Variants in PAX2 observed in about 807,000 individuals in gnomAD.
PAX2 encodes the protein paired box 2, also known as paired box protein Pax-2.
In PAX2, 9 loss-of-function variants were observed where a neutral mutation model predicts 41.7. The observed-to-expected ratio is 0.22, with a 90% CI of 0.13 to 0.38. The LOEUF (loss-of-function observed/expected upper bound fraction) is 0.38. Ranked by LOEUF, PAX2 falls within the 10% of genes least tolerant of loss-of-function variation. PAX2 has a pLI of 1.00. For synonymous variants in PAX2, 221 were observed against 212.7 expected, an observed-to-expected ratio of 1.04 and a Z score of -0.34; for missense variants, 418 against 531.6, an observed-to-expected ratio of 0.79 and a Z score of 2.10.
intron 6 of PAX2, among the ~76,000 whole-genome samples, chr10:100,808,657 A>T (rs1847882939): frequency 6.6e-6 from 1 of 151,916 alleles, no homozygotes; most frequent in Non-Finnish European, 1.5e-5. Context: ...GTTTGTTTTT[A>T]AAAAAGGGGC....
At chr10:100,765,972 A>G (rs960056364) in intron 3 of PAX2, among the ~76,000 whole-genome samples, 1 of 152,226 alleles carries the variant, frequency 6.6e-6, no homozygotes, top group Non-Finnish European at 1.5e-5. Context: ...TGCTTACTAC[A>G]GTAGGAACCG....
chr10:100,772,746 C>T (rs1008227522), intron 3 of PAX2, among the ~76,000 whole-genome samples: 1 of 152,230 alleles, frequency 6.6e-6, no homozygotes, highest in African/African-American at 2.4e-5. Context: ...TGACATCTTG[C>T]TCCTAAGAGC....
chr10:100,763,646 G>A (rs974580909), intron 3 of PAX2, among the ~76,000 whole-genome samples: 1 of 152,222 alleles, frequency 6.6e-6, no homozygotes, highest in African/African-American at 2.4e-5. Context: ...TTCTCTAAGG[G>A]AGTCCATTTT....
chr10:100,765,473 A>G (rs995038580), intron 3 of PAX2, among the ~76,000 whole-genome samples: 3 of 152,198 alleles, frequency 2.0e-5, no homozygotes, highest in Non-Finnish European at 2.9e-5. Context: ...AAATTCCTAG[A>G]TTTCATTATT....
intron 7 of PAX2, among the ~76,000 whole-genome samples, chr10:100,820,212 G>A (rs188853446): frequency 6.6e-6 from 1 of 152,278 alleles, no homozygotes; most frequent in Non-Finnish European, 1.5e-5. Context: ...TTTGTCAGAT[G>A]ACTTCTTTTC....
chr10:100,751,309 T>C (rs1845432685), intron 3 of PAX2, among the ~76,000 whole-genome samples: 1 of 152,204 alleles, frequency 6.6e-6, no homozygotes, highest in African/African-American at 2.4e-5. Flanking sequence ...CCGCTTGTCC[T>C]GGCTCCCTCA....
In PAX2 at chr10:100,765,053, T is replaced by A. The variant is rs147323426; in HGVS notation, c.410+14162T>A. 4.5e-3 allele frequency among the ~76,000 whole-genome samples: 689 copies of A among 152,308 alleles called. 5 individuals carry two copies. The highest frequency in any genetic ancestry group is 0.015 in the African/African-American group (643 of 41,554). ...GAAATCTGTCTATTCTTGTCTGGCA[T>A]GTCTGGATATTCTAAGGAAGTATGG... On this transcript the variant is annotated intron_variant, in intron 3 of 9. Coordinates refer to ENST00000355243, the MANE Select transcript of PAX2 (RefSeq NM_000278.5).
In PAX2 at chr10:100,828,757, C is replaced by T. The variant is rs1564749501; in HGVS notation, c.*1138C>T. 3 of 233,450 alleles carry T rather than the reference C, an allele frequency of 1.3e-5. No individual in the cohort carries two copies. The allele number at this position is 233,450 out of a possible 1,614,324, so 14.5% of individuals were successfully genotyped here. On this transcript the variant is annotated 3_prime_UTR_variant, in exon 10 of 10. Coordinates refer to ENST00000355243, the MANE Select transcript of PAX2 (RefSeq NM_000278.5). This position sits in a 1 kb window ranked among gnomAD's most constrained non-coding sequence, Gnocchi z 6.5. ...CCCATCCCCTCCCAGCCTCCTCCTC[C>T]GGCAGGAACTGAACAGAACCACAAA...
intron 3 of PAX2, among the ~76,000 whole-genome samples, chr10:100,763,694 T>C (rs1005125287): frequency 6.6e-6 from 1 of 152,250 alleles, no homozygotes; most frequent in Non-Finnish European, 1.5e-5. Context: ...TTAAGACATG[T>C]GGCTTTTTCT....
At chr10:100,807,528 C>T (rs535915677) in intron 6 of PAX2, among the ~76,000 whole-genome samples, 10 of 152,296 alleles carry the variant, frequency 6.6e-5, no homozygotes, top group African/African-American at 2.4e-4. Context: ...TGTGCTCACA[C>T]ACCACCGCCC....
At position 100,827,650 on chromosome 10, in the gene PAX2, C is replaced by T; in HGVS notation, c.*31C>T. On this transcript the variant is annotated 3_prime_UTR_variant, in exon 10 of 10. Transcript: ENST00000355243. This position sits in a 1 kb window ranked among gnomAD's most constrained non-coding sequence, Gnocchi z 8.5. ...GCGGGGACCACATCAAGCTTCAGGC[C>T]GACAGCTTCGGCCTCCACATCGTCC... is the stretch of plus-strand genomic sequence containing the variant. 6.2e-7 allele frequency: 1 copy of T among 1,613,860 alleles called. No individual in the cohort carries two copies. The highest frequency in any genetic ancestry group is 8.5e-7 in the Non-Finnish European group (1 of 1,179,918).
chr10:100,777,773 T>C (rs1281433781), intron 3 of PAX2, among the ~76,000 whole-genome samples: 2 of 152,270 alleles, frequency 1.3e-5, no homozygotes, highest in Admixed American at 6.5e-5. Context: ...TAATAGTCTC[T>C]ACTTTGGAGG....
exon 1 of PAX2, chr10:100,735,563 C>T (rs949049224): frequency 9.4e-5 from 56 of 593,350 alleles, no homozygotes; most frequent in Non-Finnish European, 1.1e-4. Flanking sequence ...GCGGGCGGCT[C>T]GGGTTATCTG....
At chr10:100,735,711 G>A in exon 1 of PAX2, 1 of 1,052,182 alleles carries the variant, frequency 9.5e-7, no homozygotes. Context: ...AGCCTAGCAT[G>A]GAAGAGCGCG....
At chr10:100,754,176 A>G (rs1845550149) in intron 3 of PAX2, among the ~76,000 whole-genome samples, 1 of 152,332 alleles carries the variant, frequency 6.6e-6, no homozygotes, top group Admixed American at 6.5e-5. Flanking sequence ...GTCTAGTTAC[A>G]TAGCTGAGCA....
intron 1 of PAX2, chr10:100,747,626 C>A (rs1845242570): frequency 5.1e-6 from 5 of 984,216 alleles, no homozygotes; most frequent in Non-Finnish European, 6.0e-6. Flanking sequence ...GGAGGGAGAG[C>A]TGTGTTTTTC....
intron 7 of PAX2, among the ~76,000 whole-genome samples, chr10:100,813,498 T>C (rs1848073132): frequency 1.3e-5 from 2 of 152,138 alleles, no homozygotes; most frequent in African/African-American, 4.8e-5. Context: ...GATGGGGTTG[T>C]AACACACCAG....
intron 3 of PAX2, among the ~76,000 whole-genome samples, chr10:100,757,341 C>T (rs558173353): frequency 6.6e-6 from 1 of 152,324 alleles, no homozygotes; most frequent in Non-Finnish European, 1.5e-5. Flanking sequence ...GAAGTGGCAG[C>T]AGCAATAAGG....
chr10:100,812,902 C>T (rs1272935906), intron 7 of PAX2, among the ~76,000 whole-genome samples: 1 of 152,224 alleles, frequency 6.6e-6, no homozygotes, highest in South Asian at 2.1e-4. Context: ...AGAGACTGTG[C>T]AGTTCCATGC....
Sources: gnomAD v4.1 joint callset for allele counts (sites outside exome capture counted in the v4.1 genomes callset) on GRCh38, gnomAD v4.1.1 for gene constraint, Gnocchi (gnomAD v3.1) non-coding constraint, MANE v1.5 for transcripts, NCBI Gene and HGNC (gene_info 2026-07-23, HGNC 2026-07-21) for gene names.